The following KCNJ6 variants were observed in gnomAD, a reference collection of about 807,000 sequenced individuals.
KCNJ6 encodes potassium inwardly rectifying channel subfamily J member 6.
Under a neutral mutation model 34.2 loss-of-function variants are expected in KCNJ6, and 9 were observed. The ratio of observed to expected loss-of-function variants is 0.26; its 90% CI spans 0.16 to 0.46. The LOEUF is 0.46. Ranked by LOEUF, KCNJ6 falls within the 20% of genes least tolerant of loss-of-function variation. The pLI, the probability that KCNJ6 is intolerant of heterozygous loss-of-function variation, is 1.00. For synonymous variants in KCNJ6, 196 were observed against 207.1 expected, an observed-to-expected ratio of 0.95 and a Z score of 0.46; for missense variants, 236 against 531.3, an observed-to-expected ratio of 0.44 and a Z score of 5.46.
At chr21:37,638,623 C>T (rs941708656) in intron 3 of KCNJ6, among the ~76,000 whole-genome samples, 3 of 152,320 alleles carry the variant, frequency 2.0e-5, no homozygotes, top group East Asian at 1.9e-4. Flanking sequence ...TTCCACCCTC[C>T]GCTAGCTTTC....
At chr21:37,732,462 C>G (rs1406587343) in intron 2 of KCNJ6, among the ~76,000 whole-genome samples, 1 of 152,204 alleles carries the variant, frequency 6.6e-6, no homozygotes, top group Non-Finnish European at 1.5e-5. Flanking sequence ...CTCTTAGATT[C>G]CAGAATTGTG....
At chr21:37,687,252 C>G (rs900751625) in intron 3 of KCNJ6, among the ~76,000 whole-genome samples, 1 of 152,102 alleles carries the variant, frequency 6.6e-6, no homozygotes, top group Non-Finnish European at 1.5e-5. Flanking sequence ...CTCAGCAACG[C>G]GGGGTTACAG....
intron 2 of KCNJ6, among the ~76,000 whole-genome samples, chr21:37,723,150 A>T (rs528214538): frequency 1.3e-5 from 2 of 152,326 alleles, no homozygotes; most frequent in East Asian, 3.9e-4. Flanking sequence ...AAGACATACA[A>T]GTGGTCAACA....
Position 37,798,537 on chromosome 21 carries a change from G to C in KCNJ6, c.25+42121C>G, listed in dbSNP as rs568396447. Among the ~76,000 whole-genome samples, 78 of 152,314 alleles carry C rather than the reference G, an allele frequency of 5.1e-4. No individual in the cohort carries two copies. In the East Asian group the frequency reaches 0.013, roughly 25 times the overall value. On this transcript the variant is annotated intron_variant, in intron 2 of 3. Coordinates refer to ENST00000609713, the MANE Select transcript of KCNJ6 (RefSeq NM_002240.5). ...AAAACAACTCAAATGTACATCAACC[G>C]ATCAGTGGATAAACAAAATGTGGTC... is the stretch of plus-strand genomic sequence containing the variant.
At chr21:37,755,115 A>G (rs1009206011) in intron 2 of KCNJ6, among the ~76,000 whole-genome samples, 1 of 152,198 alleles carries the variant, frequency 6.6e-6, no homozygotes, top group South Asian at 2.1e-4. Context: ...AAATCTTAGA[A>G]AAGAAGTTTG....
At chr21:37,901,358 T>G (rs2055815982) in intron 1 of KCNJ6, among the ~76,000 whole-genome samples, 1 of 151,050 alleles carries the variant, frequency 6.6e-6, no homozygotes, top group Non-Finnish European at 1.5e-5. Flanking sequence ...ACACTTTCTC[T>G]GCATTTCTAT....
chr21:37,634,651 CAT>C (rs2054348909), intron 3 of KCNJ6, among the ~76,000 whole-genome samples: 2 of 145,576 alleles, frequency 1.4e-5, no homozygotes, highest in African/African-American at 4.9e-5. Context: ...ATCTTAGAAA[CAT>C]AATATTCCAC....
chr21:37,617,168 TTTTCCTTCCTTCCTTC>T lies in KCNJ6; in HGVS notation c.*7975_*7990del, dbSNP rs1234867586. 13 of 89,876 alleles carry T rather than the reference TTTTCCTTCCTTCCTTC, an allele frequency of 1.4e-4. No homozygotes were observed. Among genetic ancestry groups the T allele is most frequent in the African/African-American group, 5.0e-4 (12 of 24,128 alleles). The allele number at this position is 89,876 out of a possible 1,614,324, so 5.6% of individuals were successfully genotyped here. ...CCTTCCTTCCTTCTTTCTTTATCTTTTTTCCTTCCTTCCTTCCTTCCTTCCTTCCTTCCTTCCTTCC... is the reference window on the plus strand; with the variant it reads ...CCTTCCTTCCTTCTTTCTTTATCTTTCTTCCTTCCTTCCTTCCTTCCTTCC... On this transcript the variant is annotated 3_prime_UTR_variant, in exon 4 of 4. Transcript: ENST00000609713.
chr21:37,760,338 A>G (rs1471012468), intron 2 of KCNJ6, among the ~76,000 whole-genome samples: 4 of 152,238 alleles, frequency 2.6e-5, no homozygotes, highest in African/African-American at 7.2e-5. Flanking sequence ...GAGAATTTAC[A>G]CGGCTCACCT....
chr21:37,914,026 T>A (rs1293171518), intron 1 of KCNJ6, among the ~76,000 whole-genome samples: 1 of 149,102 alleles, frequency 6.7e-6, no homozygotes, highest in South Asian at 2.1e-4. Context: ...TGTGTGTGTG[T>A]GTGTGTGTGT....
rs537136903 is a variant in KCNJ6 at position 37,829,789 on chromosome 21, G to A, written c.25+10869C>T. Among the ~76,000 whole-genome samples, 4 of 152,360 alleles carry A rather than the reference G, an allele frequency of 2.6e-5. No homozygotes were observed. In the South Asian group the frequency reaches 8.3e-4, roughly 32 times the overall value. On this transcript the variant is annotated intron_variant, in intron 2 of 3. Coordinates refer to ENST00000609713, the MANE Select transcript of KCNJ6 (RefSeq NM_002240.5). ...AATGCTCCATGGAGGCTTTGCCCACGCAGGGGTGCCCCCGAGATGGGGGCA... is the reference window on the plus strand; with the variant it reads ...AATGCTCCATGGAGGCTTTGCCCACACAGGGGTGCCCCCGAGATGGGGGCA...
intron 2 of KCNJ6, among the ~76,000 whole-genome samples, chr21:37,784,987 G>A (rs1345052713): frequency 6.6e-6 from 1 of 152,130 alleles, no homozygotes; most frequent in Non-Finnish European, 1.5e-5. Flanking sequence ...TCTCCTAAGA[G>A]CCCCCAGACT....
chr21:37,775,838 T>G (rs1476185673), intron 2 of KCNJ6, among the ~76,000 whole-genome samples: 1 of 151,958 alleles, frequency 6.6e-6, no homozygotes, highest in Non-Finnish European at 1.5e-5. Context: ...ATGCGGGCTC[T>G]TTTTTGGTTC....
chr21:37,656,375 C>T (rs1362015680), intron 3 of KCNJ6, among the ~76,000 whole-genome samples: 1 of 152,194 alleles, frequency 6.6e-6, no homozygotes, highest in African/African-American at 2.4e-5. Context: ...CTTGATGTCC[C>T]CACCAGCTCT....
chr21:37,826,676 A>C (rs1448076501), intron 2 of KCNJ6, among the ~76,000 whole-genome samples: 1 of 152,168 alleles, frequency 6.6e-6, no homozygotes, highest in Admixed American at 6.5e-5. Flanking sequence ...ATTCTGATGA[A>C]TGCAACTCTC....
In KCNJ6 at chr21:37,684,533, G is replaced by A. The variant is rs145877052; in HGVS notation, c.946+29678C>T. Among the ~76,000 whole-genome samples the A allele has an allele frequency of 1.9e-3, 290 of 152,318 alleles. 4 individuals are homozygous for A. In the East Asian group the frequency reaches 0.033, roughly 17 times the overall value. On this transcript the variant is annotated intron_variant, in intron 3 of 3. Coordinates refer to ENST00000609713, the MANE Select transcript of KCNJ6 (RefSeq NM_002240.5). The stretch of plus-strand genomic sequence containing the variant: ...GGGGAACACAAACAGTAATTGTGAA[G>A]TGTTATGTTAGCATAGGAAGGTTAG...
At chr21:37,847,590 C>A (rs564127752) in intron 1 of KCNJ6, among the ~76,000 whole-genome samples, 2 of 152,210 alleles carry the variant, frequency 1.3e-5, no homozygotes, top group Admixed American at 6.5e-5. Context: ...GTAAAGCCAG[C>A]TTTACACCTG....
At chr21:37,644,272 G>C (rs1372971541) in intron 3 of KCNJ6, among the ~76,000 whole-genome samples, 4 of 152,068 alleles carry the variant, frequency 2.6e-5, no homozygotes, top group Non-Finnish European at 4.4e-5. Flanking sequence ...TAACCAATGG[G>C]TGTTAGGCTT....
intron 1 of KCNJ6, among the ~76,000 whole-genome samples, chr21:37,879,647 T>A (rs1315527011): frequency 6.6e-6 from 1 of 151,676 alleles, no homozygotes. Context: ...TTTCTAGGGT[T>A]ACAGACAAAG....
Sources: allele counts gnomAD v4.1 joint callset (sites outside exome capture counted in the v4.1 genomes callset), GRCh38; gene constraint gnomAD v4.1.1; transcripts MANE v1.5; gene names NCBI Gene and HGNC (gene_info 2026-07-23, HGNC 2026-07-21).